NEMP1: variants seen among roughly 807,000 people sequenced by gnomAD.
NEMP1 encodes the protein nuclear envelope integral membrane protein 1.
A neutral mutation model predicts 53.7 loss-of-function variants in NEMP1; 29 were observed. That is an observed-to-expected ratio of 0.54 (90% CI 0.40 to 0.74). NEMP1 has a LOEUF of 0.74. NEMP1 is among the 30% of genes least tolerant of loss of function. The probability of loss-of-function intolerance (pLI) is 0.00; values close to 1 mark genes in which losing one functional copy is unlikely to be tolerated. For synonymous variants in NEMP1, 193 were observed against 192.9 expected, an observed-to-expected ratio of 1.00 and a Z score of 0.00; for missense variants, 477 against 528.6, an observed-to-expected ratio of 0.90 and a Z score of 0.96.
chr12:57,065,635 C>T (rs1228330820), intron 4 of NEMP1, among the ~76,000 whole-genome samples: 2 of 151,538 alleles, frequency 1.3e-5, no homozygotes, highest in Non-Finnish European at 2.9e-5. Flanking sequence ...GATTCTCCCA[C>T]CTCAGCCTCC....
intron 6 of NEMP1, 79 bp downstream of exon 6, chr12:57,063,992 A>G (rs2031947032): frequency 1.2e-6 from 1 of 808,822 alleles, no homozygotes; most frequent in African/African-American, 1.8e-5. Context: ...TCCCATAAGC[A>G]GGCAAAATCT....
intron 1 of NEMP1, among the ~76,000 whole-genome samples, chr12:57,075,961 G>A (rs1331414970): frequency 6.6e-6 from 1 of 151,702 alleles, no homozygotes. Flanking sequence ...AAAATTACCC[G>A]GGCATGGTGG....
intron 5 of NEMP1, 28 bp from the exon 6 acceptor site, chr12:57,064,213 A>C (rs200627145): frequency 6.9e-7 from 1 of 1,449,868 alleles, no homozygotes; most frequent in East Asian, 2.3e-5. Context: ...AGTGAAAGCA[A>C]AAAGTTACAA....
At position 57,073,216 on chromosome 12, in the gene NEMP1, G is replaced by T. The variant is rs79563920; in HGVS notation, c.128-304C>A. On this transcript the variant is annotated intron_variant, in intron 1 of 8. Coordinates refer to ENST00000300128, the MANE Select transcript of NEMP1 (RefSeq NM_001130963.2). ...CTTTTGCCCAGGCCGGACTGCAGTG[G>T]GGCTATCTTGGTTCACTGCAAGCTC... Among the ~76,000 whole-genome samples the T allele has an allele frequency of 2.2e-4, 33 of 151,342 alleles. 1 individual carries two copies. The highest frequency in any genetic ancestry group is 3.8e-4 in the Non-Finnish European group (26 of 67,880).
chr12:57,078,491 A>G (rs2032733993), intron 1 of NEMP1, 128 bp downstream of exon 1: 6 of 1,312,740 alleles, frequency 4.6e-6, no homozygotes, highest in Non-Finnish European at 6.2e-6. Flanking sequence ...CCACCACACT[A>G]CGCCGGCGGC....
chr12:57,068,648 C>T (rs2032206316), intron 4 of NEMP1, among the ~76,000 whole-genome samples: 1 of 152,178 alleles, frequency 6.6e-6, no homozygotes, highest in East Asian at 1.9e-4. Flanking sequence ...TCACTGCAAG[C>T]TCCACCTCCT....
Position 57,064,167 on chromosome 12 carries a change from T to A in NEMP1, c.658A>T (p.Ile220Phe). 1 of 1,607,330 alleles carries A rather than the reference T, an allele frequency of 6.2e-7. No individual in the cohort carries two copies. The highest frequency in any genetic ancestry group is 8.5e-7 in the Non-Finnish European group (1 of 1,177,488). ...GAAAAAGACCAGCCTCCCACCAGGA[T>A]GACGTAAATGGGACTTTTCTAAGAC... is the stretch of plus-strand genomic sequence containing the variant. ...FMPKKSPIYV[I>F]LVGGWSFSLY... The change falls in exon 6 of 9, where the codon ATC becomes TTC. Residue 220 changes from isoleucine to phenylalanine, a missense_variant. Transcript: ENST00000300128.
Position 57,059,097 on chromosome 12 carries a change from G to A in NEMP1, c.*782C>T, listed in dbSNP as rs1040198124. The A allele has an allele frequency of 1.3e-5, 2 of 152,170 alleles. No individual in the cohort carries two copies. The highest frequency in any genetic ancestry group is 1.3e-4 in the Admixed American group (2 of 15,286). 9.4% of individuals were successfully genotyped at this position (152,170 alleles called of 1,614,324 possible). A position where few individuals can be genotyped will look rare whatever the true frequency, so the allele number is the denominator to read the frequency against. ...GAAGAATACAAATGTTTTTTAAGAT[G>A]GAATTGAAAGTTGAATATAATAAAA... is the stretch of plus-strand genomic sequence containing the variant. On this transcript the variant is annotated 3_prime_UTR_variant, in exon 9 of 9. Transcript: ENST00000300128.
upstream of NEMP1, among the ~76,000 whole-genome samples, chr12:57,083,685 A>G (rs144878235): frequency 1.4e-4 from 21 of 152,382 alleles, 1 homozygote; most frequent in East Asian, 4.0e-3. Flanking sequence ...TGAAAACTAT[A>G]AATAACCTTA....
intron 1 of NEMP1, among the ~76,000 whole-genome samples, chr12:57,085,968 G>A (rs183645645): frequency 1.1e-4 from 16 of 152,344 alleles, no homozygotes; most frequent in African/African-American, 3.8e-4. Flanking sequence ...GCCTATCCTG[G>A]AGAGGTCCTG....
intron 4 of NEMP1, among the ~76,000 whole-genome samples, chr12:57,068,475 C>T (rs1051180475): frequency 6.6e-6 from 1 of 152,014 alleles, no homozygotes. Context: ...CTTAGCCTCT[C>T]GAGTAACTGG....
intron 5 of NEMP1, 41 bp from the exon 6 acceptor site, chr12:57,064,226 G>T (rs1565658339): frequency 5.3e-6 from 7 of 1,310,810 alleles, no homozygotes; most frequent in Non-Finnish European, 7.4e-6. Flanking sequence ...AGTTACAACA[G>T]GCTTTCCATA....
Position 57,063,101 on chromosome 12 carries a change from A to G in NEMP1, c.980+18T>C. The G allele has an allele frequency of 6.3e-7, 1 of 1,582,166 alleles. No homozygotes were observed. Among genetic ancestry groups the G allele is most frequent in the African/African-American group, 1.3e-5 (1 of 74,290 alleles). On this transcript the variant is annotated intron_variant, in intron 7 of 8. Coordinates refer to ENST00000300128, the MANE Select transcript of NEMP1 (RefSeq NM_001130963.2). ...ACAATGTACCTGTCAATATTAAGTTACATTGCCTTTCAGTCACCTGCAGGT... is the reference window on the plus strand; with the variant it reads ...ACAATGTACCTGTCAATATTAAGTTGCATTGCCTTTCAGTCACCTGCAGGT...
At chr12:57,061,274 AG>A (rs2031788087) in intron 7 of NEMP1, among the ~76,000 whole-genome samples, 1 of 152,266 alleles carries the variant, frequency 6.6e-6, no homozygotes, top group African/African-American at 2.4e-5. Flanking sequence ...AAATGCCTAT[AG>A]AAAGTAAAAA....
upstream of NEMP1, chr12:57,078,839 C>T: frequency 7.0e-7 from 1 of 1,428,570 alleles, no homozygotes; most frequent in Non-Finnish European, 9.5e-7. Flanking sequence ...GAAACCCGCC[C>T]CTATCAACCA....
chr12:57,064,465 GA>G (rs966038206), intron 5 of NEMP1, among the ~76,000 whole-genome samples, 180 bp downstream of exon 5: 3 of 152,078 alleles, frequency 2.0e-5, no homozygotes, highest in African/African-American at 7.2e-5. Flanking sequence ...TATATAAAAA[GA>G]AAGAATTTGT....
At chr12:57,063,846 T>C (rs1402608227) in intron 6 of NEMP1, among the ~76,000 whole-genome samples, 1 of 152,178 alleles carries the variant, frequency 6.6e-6, no homozygotes, top group East Asian at 1.9e-4. Context: ...GGTATATTTA[T>C]AAATACCAAT....
At chr12:57,083,971 GT>G (rs770921872) in intron 1 of NEMP1, among the ~76,000 whole-genome samples, 1 of 149,374 alleles carries the variant, frequency 6.7e-6, no homozygotes, top group Non-Finnish European at 1.5e-5. Context: ...GTTTTGTTTT[GT>G]TTTGTTTTGA....
In NEMP1 at chr12:57,060,060, C is replaced by T; in HGVS notation, c.1155-1G>A. The T allele has an allele frequency of 6.2e-7, 1 of 1,613,474 alleles. No individual in the cohort carries two copies. The highest frequency in any genetic ancestry group is 1.1e-5 in the South Asian group (1 of 91,052). ...AGAGCCTTCCACAAAGTCAGCAAAT[C>T]TGGAAAAGAGAAGATAATACTCGTT... is the stretch of plus-strand genomic sequence containing the variant. On this transcript the variant is annotated splice_acceptor_variant, in intron 8 of 8. Coordinates refer to ENST00000300128, the MANE Select transcript of NEMP1 (RefSeq NM_001130963.2). LOFTEE classifies it high-confidence loss of function.
Sources: allele counts gnomAD v4.1 joint callset (sites outside exome capture counted in the v4.1 genomes callset), GRCh38; gene constraint gnomAD v4.1.1; transcripts MANE v1.5; gene names NCBI Gene and HGNC (gene_info 2026-07-23, HGNC 2026-07-21).